PTPRT: variants seen among roughly 807,000 people sequenced by gnomAD.
PTPRT encodes the protein protein tyrosine phosphatase receptor type T.
PTPRT carries 56 observed loss-of-function variants against 176.8 expected under a neutral mutation model. The ratio of observed to expected loss-of-function variants is 0.32; its 90% CI spans 0.26 to 0.40. The LOEUF (loss-of-function observed/expected upper bound fraction) is 0.40. PTPRT is among the 10% of genes least tolerant of loss of function. The pLI is 1.00. For missense variants in PTPRT, 1,540 were observed against 1,908.2 expected, an observed-to-expected ratio of 0.81 and a Z score of 3.60; for synonymous variants, 783 against 739.0, an observed-to-expected ratio of 1.06 and a Z score of -0.96.
intron 13 of PTPRT, among the ~76,000 whole-genome samples, chr20:42,275,472 C>T (rs1483548886): frequency 6.6e-6 from 1 of 152,106 alleles, no homozygotes; most frequent in Non-Finnish European, 1.5e-5. Flanking sequence ...GATTGGAACT[C>T]CCAAGGTACA....
At chr20:42,913,948 C>T (rs1169211940) in intron 1 of PTPRT, among the ~76,000 whole-genome samples, 2 of 152,194 alleles carry the variant, frequency 1.3e-5, no homozygotes, top group Admixed American at 6.5e-5. Flanking sequence ...CCATGTAATA[C>T]ATATTAATTC....
intron 15 of PTPRT, among the ~76,000 whole-genome samples, chr20:42,224,152 T>A (rs2055950162): frequency 6.6e-6 from 1 of 152,114 alleles, no homozygotes; most frequent in Admixed American, 6.5e-5. Context: ...AAGAAAGAGA[T>A]TTCATCAGCA....
At position 42,677,885 on chromosome 20, in the gene PTPRT, G is replaced by A; in HGVS notation, c.1134C>T (p.Thr378=). The A allele has an allele frequency of 6.2e-7, 1 of 1,613,846 alleles. No homozygotes were observed. The highest frequency in any genetic ancestry group is 8.5e-7 in the Non-Finnish European group (1 of 1,179,890). The change falls in exon 7 of 31, where the codon ACC becomes ACT. Residue 378 remains threonine, a synonymous_variant. Transcript: ENST00000373187. ...GGTGPPGPPL[T]TRTKCADPVH... is the part of the protein sequence containing the mutation. ...TCTTACCTGCACACTTGGTCCTGGT[G>A]GTGAGGGGAGGCCCTGGCGGTCCCG...
intron 1 of PTPRT, among the ~76,000 whole-genome samples, chr20:43,021,312 A>G (rs1002520307): frequency 6.6e-6 from 1 of 152,110 alleles, no homozygotes; most frequent in African/African-American, 2.4e-5. Flanking sequence ...TGTTACCTCA[A>G]TTTGTTGAGG....
intron 13 of PTPRT, among the ~76,000 whole-genome samples, chr20:42,265,330 G>C (rs2056821434): frequency 6.6e-6 from 1 of 152,068 alleles, no homozygotes; most frequent in Non-Finnish European, 1.5e-5. Flanking sequence ...TTTCAGAGTT[G>C]AGTGATTTTT....
intron 1 of PTPRT, among the ~76,000 whole-genome samples, chr20:43,090,963 G>A (rs2011821168): frequency 6.6e-6 from 1 of 152,230 alleles, no homozygotes; most frequent in Non-Finnish European, 1.5e-5. Context: ...GGGCACAGTG[G>A]CTCACGCCTG....
chr20:43,084,017 T>G (rs551055008), intron 1 of PTPRT, among the ~76,000 whole-genome samples: 1 of 152,220 alleles, frequency 6.6e-6, no homozygotes, highest in Non-Finnish European at 1.5e-5. Flanking sequence ...GGATGTGCCA[T>G]GTTTTGCTTA....
intron 16 of PTPRT, among the ~76,000 whole-genome samples, chr20:42,196,039 T>C (rs555947425): frequency 6.6e-6 from 1 of 152,322 alleles, no homozygotes; most frequent in East Asian, 1.9e-4. Context: ...AGGTTTGCAT[T>C]TGAGATCAGA....
At chr20:42,505,030 T>G (rs1026276894) in intron 7 of PTPRT, among the ~76,000 whole-genome samples, 3 of 152,064 alleles carry the variant, frequency 2.0e-5, no homozygotes, top group African/African-American at 7.2e-5. Context: ...TTCATGGAAT[T>G]CAAATCCCAA....
intron 1 of PTPRT, among the ~76,000 whole-genome samples, chr20:43,111,738 A>G (rs1233780291): frequency 6.6e-6 from 1 of 152,136 alleles, no homozygotes; most frequent in Admixed American, 6.5e-5. Context: ...AAGGAAGAAA[A>G]AAAATGGATC....
intron 1 of PTPRT, among the ~76,000 whole-genome samples, chr20:43,116,185 A>G (rs568158322): frequency 1.3e-5 from 2 of 152,296 alleles, no homozygotes; most frequent in African/African-American, 2.4e-5. Context: ...CAACACAATC[A>G]AAGCACGTCA....
intron 6 of PTPRT, among the ~76,000 whole-genome samples, chr20:42,713,166 C>T (rs2076171445): frequency 6.6e-6 from 1 of 151,968 alleles, no homozygotes; most frequent in Non-Finnish European, 1.5e-5. Context: ...TACACACACA[C>T]ACACACACAC....
intron 13 of PTPRT, among the ~76,000 whole-genome samples, chr20:42,262,166 T>C (rs551099684): frequency 2.0e-4 from 31 of 152,340 alleles, no homozygotes; most frequent in African/African-American, 6.5e-4. Context: ...CTTTGCCCCT[T>C]TGCTTTTGAA....
Position 43,123,907 on chromosome 20 carries a change from G to A in PTPRT, c.88+65739C>T, listed in dbSNP as rs552509836. The stretch of plus-strand genomic sequence containing the variant: ...GAAAAATGTGTGTTGCCATTGATTC[G>A]AAAGGCTTTTGTGAGACACAAATAT... On this transcript the variant is annotated intron_variant, in intron 1 of 30. Coordinates refer to ENST00000373187, the MANE Select transcript of PTPRT (RefSeq NM_007050.6). Among the ~76,000 whole-genome samples, 67 of 152,286 alleles carry A rather than the reference G, an allele frequency of 4.4e-4. 1 individual carries two copies. The highest frequency in any genetic ancestry group is 9.1e-4 in the African/African-American group (38 of 41,562).
chr20:42,610,231 C>T (rs2073951461), intron 7 of PTPRT, among the ~76,000 whole-genome samples: 1 of 152,218 alleles, frequency 6.6e-6, no homozygotes, highest in African/African-American at 2.4e-5. Flanking sequence ...TTAGCTCAGA[C>T]TCCCAGATTT....
At chr20:43,086,023 T>C (rs763547939) in intron 1 of PTPRT, among the ~76,000 whole-genome samples, 1 of 151,924 alleles carries the variant, frequency 6.6e-6, no homozygotes, top group Non-Finnish European at 1.5e-5. Flanking sequence ...TTGGGTATCA[T>C]TGAACATGGA....
At chr20:42,117,500 G>T (rs1014149728) in intron 21 of PTPRT, among the ~76,000 whole-genome samples, 1 of 152,182 alleles carries the variant, frequency 6.6e-6, no homozygotes, top group Admixed American at 6.5e-5. Context: ...AGAGAGAGTT[G>T]AGATGGAGCA....
At chr20:42,964,269 T>G (rs1982167910) in intron 1 of PTPRT, among the ~76,000 whole-genome samples, 1 of 152,180 alleles carries the variant, frequency 6.6e-6, no homozygotes, top group African/African-American at 2.4e-5. Flanking sequence ...GATGTGATCT[T>G]AAGCAATTAG....
intron 7 of PTPRT, among the ~76,000 whole-genome samples, chr20:42,501,298 C>T (rs143725724): frequency 5.5e-4 from 84 of 152,284 alleles, no homozygotes; most frequent in African/African-American, 1.7e-3. Context: ...ATTCCCATTG[C>T]TGTATAAAAG....
Sources: gnomAD v4.1 joint callset for allele counts (sites outside exome capture counted in the v4.1 genomes callset) on GRCh38, gnomAD v4.1.1 for gene constraint, MANE v1.5 for transcripts, NCBI Gene and HGNC (gene_info 2026-07-23, HGNC 2026-07-21) for gene names.